CALN1: variants seen among roughly 807,000 people sequenced by gnomAD.
The protein encoded by CALN1 is calneuron 1, also known as calcium-binding protein 8.
In CALN1, 17 loss-of-function variants were observed where a neutral mutation model predicts 30.6. That is an observed-to-expected ratio of 0.56 (90% CI 0.38 to 0.83). CALN1 has a LOEUF of 0.83. CALN1 is among the 40% of genes least tolerant of loss of function. CALN1 has a pLI of 0.00. For missense variants in CALN1, 291 were observed against 354.9 expected (o/e 0.82, Z 1.45); for synonymous variants, 156 against 131.4 (o/e 1.19, Z -1.28).
At chr7:72,285,886 T>C (rs932369472) in intron 2 of CALN1, among the ~76,000 whole-genome samples, 106 of 152,234 alleles carry the variant, frequency 7.0e-4, no homozygotes, top group African/African-American at 2.5e-3. Flanking sequence ...TGTCCTCCAA[T>C]TACCAGACAT....
chr7:72,418,420 A>G (rs927878075), intron 1 of CALN1, among the ~76,000 whole-genome samples: 1 of 152,202 alleles, frequency 6.6e-6, no homozygotes, highest in African/African-American at 2.4e-5. Flanking sequence ...TAATGCTGCA[A>G]TGAACATACA....
intron 2 of CALN1, among the ~76,000 whole-genome samples, chr7:72,355,958 A>G (rs1803194431): frequency 6.6e-6 from 1 of 152,226 alleles, no homozygotes; most frequent in African/African-American, 2.4e-5. Flanking sequence ...TTTGAAAAGA[A>G]AGAAGAAAAT....
In CALN1 at chr7:72,403,387, G is replaced by A; in HGVS notation, c.-18C>T. 1 of 1,533,798 alleles carries A rather than the reference G, an allele frequency of 6.5e-7. No homozygotes were observed. Among genetic ancestry groups the A allele is most frequent in the Non-Finnish European group, 8.8e-7 (1 of 1,138,214 alleles). On this transcript the variant is annotated 5_prime_UTR_variant, in exon 2 of 7. Transcript: ENST00000395275. ...AGCCGCATCGGGGGTCCAGGGCGAT[G>A]TTCTCAGAGAGAGTTAGAAGCTCAT...
At chr7:72,464,517 A>G in the CALN1 span, among the ~76,000 whole-genome samples, 1 of 152,168 alleles carries the variant, frequency 6.6e-6, no homozygotes, top group Admixed American at 6.5e-5. Flanking sequence ...CCTTCATGCC[A>G]ATCCCACACA....
chr7:71,787,549 C>G lies in CALN1; in HGVS notation c.*226G>C. 2.1e-6 allele frequency: 1 copy of G among 474,108 alleles called. No homozygotes were observed. The highest frequency in any genetic ancestry group is 5.8e-4 in the Middle Eastern group (1 of 1,732). 29.4% of individuals were successfully genotyped at this position (474,108 alleles called of 1,614,324 possible). ...CCTGGCGATTTATTGCATTAGAAAA[C>G]AAAACCATTAAAGCACTGAAGACAG... On this transcript the variant is annotated 3_prime_UTR_variant, in exon 7 of 7. Transcript: ENST00000395275.
At chr7:72,443,235 C>T (rs1465116235) in intron 1 of CALN1, among the ~76,000 whole-genome samples, 1 of 152,178 alleles carries the variant, frequency 6.6e-6, no homozygotes, top group Non-Finnish European at 1.5e-5. Context: ...TCTCTGCCTG[C>T]AAGTTCCGCA....
At chr7:72,339,402 A>T (rs988987373) in intron 2 of CALN1, among the ~76,000 whole-genome samples, 1 of 152,118 alleles carries the variant, frequency 6.6e-6, no homozygotes, top group Non-Finnish European at 1.5e-5. Context: ...TACCACTCTT[A>T]AGGACTTGCT....
intron 3 of CALN1, among the ~76,000 whole-genome samples, chr7:72,117,613 T>G (rs376229597): frequency 3.3e-5 from 5 of 152,200 alleles, no homozygotes; most frequent in South Asian, 2.1e-4. Context: ...TGGGGTCTGT[T>G]CAGTTGGCTG....
At chr7:72,160,809 T>C (rs1358572056) in intron 3 of CALN1, among the ~76,000 whole-genome samples, 2 of 152,190 alleles carry the variant, frequency 1.3e-5, no homozygotes, top group African/African-American at 4.8e-5. Context: ...GGCAAGCCCC[T>C]GCATGGAGAA....
intron 5 of CALN1, among the ~76,000 whole-genome samples, chr7:71,851,252 C>CACACACAT (rs1491431075): frequency 6.7e-5 from 10 of 149,578 alleles, no homozygotes; most frequent in South Asian, 2.1e-4. Flanking sequence ...CACACACACA[C>CACACACAT]ATCACACATA....
rs539730924 is a variant in CALN1 at position 71,873,170 on chromosome 7, A to T, written c.502-62678T>A. On this transcript the variant is annotated intron_variant, in intron 5 of 6. Coordinates refer to ENST00000395275, the MANE Select transcript of CALN1 (RefSeq NM_031468.4). ...AGGCACCCACCACCACGCCTGGCTA[A>T]TTTTTTTATTTTTAGTAGAGACAGG... Among the ~76,000 whole-genome samples, 11 of 151,518 alleles carry T rather than the reference A, an allele frequency of 7.3e-5. No homozygotes were observed. The East Asian group carries it at 1.2e-3, about 16-fold the overall frequency.
intron 1 of CALN1, among the ~76,000 whole-genome samples, chr7:72,419,625 C>G (rs1221313850): frequency 1.3e-5 from 2 of 152,098 alleles, no homozygotes; most frequent in African/African-American, 2.4e-5. Flanking sequence ...AGCCTCGGCC[C>G]TAAGTGGAAA....
intron 5 of CALN1, among the ~76,000 whole-genome samples, chr7:71,844,931 C>G (rs1348974261): frequency 6.6e-6 from 1 of 151,908 alleles, no homozygotes; most frequent in Non-Finnish European, 1.5e-5. Context: ...GCTCTGTTGC[C>G]CAGGCTGGAG....
At chr7:72,276,099 G>A (rs1291241539) in intron 3 of CALN1, among the ~76,000 whole-genome samples, 1 of 152,186 alleles carries the variant, frequency 6.6e-6, no homozygotes, top group African/African-American at 2.4e-5. Context: ...TTTGGTTAGT[G>A]ATTTTTAACC....
At chr7:72,458,046 T>C in the CALN1 span, among the ~76,000 whole-genome samples, 43 of 149,640 alleles carry the variant, frequency 2.9e-4, no homozygotes, top group Middle Eastern at 3.4e-3. Context: ...CATGAGTCAC[T>C]GCACCCAGCC....
chr7:72,323,747 A>G (rs1237379231), intron 2 of CALN1, among the ~76,000 whole-genome samples: 3 of 152,080 alleles, frequency 2.0e-5, no homozygotes, highest in African/African-American at 4.8e-5. Flanking sequence ...CTCAACGATC[A>G]TAATTTGCAG....
intron 4 of CALN1, among the ~76,000 whole-genome samples, chr7:72,055,112 G>A (rs755387704): frequency 1.2e-4 from 18 of 152,136 alleles, no homozygotes; most frequent in Non-Finnish European, 1.8e-4. Flanking sequence ...TAGTACATGA[G>A]TTAACTCATT....
chr7:71,798,797 T>G (rs909776036), intron 6 of CALN1, among the ~76,000 whole-genome samples: 2 of 151,454 alleles, frequency 1.3e-5, no homozygotes, highest in Admixed American at 6.6e-5. Flanking sequence ...AGCTTTTTTT[T>G]GTATTTTTAG....
intron 2 of CALN1, among the ~76,000 whole-genome samples, chr7:72,399,022 T>TCA (rs1806163806): frequency 2.0e-5 from 3 of 152,068 alleles, no homozygotes; most frequent in Admixed American, 6.6e-5. Flanking sequence ...CTTCCTTGCT[T>TCA]CACTCCCTTG....
Sources: allele counts gnomAD v4.1 joint callset (sites outside exome capture counted in the v4.1 genomes callset), GRCh38; gene constraint gnomAD v4.1.1; transcripts MANE v1.5; gene names NCBI Gene and HGNC (gene_info 2026-07-23, HGNC 2026-07-21).